The following TPD52L1 variants were observed in gnomAD, a reference collection of about 807,000 sequenced individuals.
TPD52L1 encodes the protein TPD52 like 1.
Under a neutral mutation model 28.7 loss-of-function variants are expected in TPD52L1, and 18 were observed. The ratio of observed to expected loss-of-function variants is 0.63; its 90% CI spans 0.43 to 0.93. The LOEUF is 0.93. Among genes scored for constraint, TPD52L1 ranks in the 40% least tolerant of loss-of-function variants. The pLI is 0.00. For missense variants in TPD52L1, 203 were observed against 254.8 expected, an observed-to-expected ratio of 0.80 and a Z score of 1.39; for synonymous variants, 75 against 88.8, an observed-to-expected ratio of 0.84 and a Z score of 0.88.
chr6:125,168,867 A>AGTAG (rs1791090681), intron 1 of TPD52L1, among the ~76,000 whole-genome samples: 1 of 152,186 alleles, frequency 6.6e-6, no homozygotes, highest in Admixed American at 6.5e-5. Flanking sequence ...TGGTTTATGT[A>AGTAG]GTAGGACCTG....
chr6:125,190,276 A>T (rs1792945815), intron 1 of TPD52L1, among the ~76,000 whole-genome samples: 2 of 152,242 alleles, frequency 1.3e-5, no homozygotes, highest in East Asian at 3.9e-4. Flanking sequence ...AATGAAGCCG[A>T]CCGTTGTCCC....
chr6:125,193,410 A>G (rs1336828598), intron 1 of TPD52L1, among the ~76,000 whole-genome samples: 1 of 151,968 alleles, frequency 6.6e-6, no homozygotes, highest in African/African-American at 2.4e-5. Flanking sequence ...ACTGTTCCTC[A>G]TGGGTGTGCC....
At chr6:125,154,789 G>T (rs533770930) in intron 1 of TPD52L1, among the ~76,000 whole-genome samples, 1 of 152,352 alleles carries the variant, frequency 6.6e-6, no homozygotes, top group Admixed American at 6.5e-5. Flanking sequence ...AAGTGGGAAG[G>T]AAACGGACTC....
At chr6:125,201,342 A>T (rs994036677) in intron 1 of TPD52L1, among the ~76,000 whole-genome samples, 1 of 152,216 alleles carries the variant, frequency 6.6e-6, no homozygotes, top group Non-Finnish European at 1.5e-5. Flanking sequence ...CAACTTTTGC[A>T]TTATATTTAT....
intron 6 of TPD52L1, among the ~76,000 whole-genome samples, chr6:125,257,999 A>T (rs1048473294): frequency 6.6e-6 from 1 of 152,240 alleles, no homozygotes; most frequent in African/African-American, 2.4e-5. Context: ...AACCAGATCA[A>T]AAACCTTCAT....
At chr6:125,172,108 CTTTCTTTCTTTCTTTCTTTCTTTCTTT>C (rs1562210013) in intron 1 of TPD52L1, among the ~76,000 whole-genome samples, 1,162 of 69,620 alleles carry the variant, frequency 0.017, 16 homozygotes, top group Non-Finnish European at 0.022. Context: ...CCCTTTCTTT[CTTTCTTTCTTTCTTTCTTTCTTTCTTT>C]CTTTCTTTCT....
At chr6:125,248,720 G>T (rs1179590223) in intron 4 of TPD52L1, among the ~76,000 whole-genome samples, 1 of 151,914 alleles carries the variant, frequency 6.6e-6, no homozygotes. Context: ...ATTAAAACAT[G>T]CATTTAGTGG....
At chr6:125,253,574 AT>A in intron 4 of TPD52L1, 142 bp from the exon 5 acceptor site, 1 of 744,968 alleles carries the variant, frequency 1.3e-6, no homozygotes, top group South Asian at 1.8e-5. Flanking sequence ...ACAAAAACAA[AT>A]GTCATCTTGG....
intron 4 of TPD52L1, among the ~76,000 whole-genome samples, chr6:125,251,405 A>G (rs1190525194): frequency 6.6e-6 from 1 of 151,780 alleles, no homozygotes; most frequent in Non-Finnish European, 1.5e-5. Context: ...AATAACTCCA[A>G]ATTAATATTT....
chr6:125,216,332 C>T (rs1240480843), intron 1 of TPD52L1, among the ~76,000 whole-genome samples: 1 of 151,816 alleles, frequency 6.6e-6, no homozygotes. Context: ...CGTGAAGCAC[C>T]TAATGACTTA....
intron 6 of TPD52L1, chr6:125,260,329 T>C (rs1191357125): frequency 6.6e-6 from 1 of 152,180 alleles, no homozygotes; most frequent in Non-Finnish European, 1.5e-5. Context: ...GGAAGGAAGA[T>C]CAATGCTCTG....
chr6:125,229,106 T>C lies in TPD52L1; in HGVS notation c.136-12T>C. On this transcript the variant is annotated splice_polypyrimidine_tract_variant and intron_variant, in intron 2 of 6. Coordinates refer to ENST00000534000, the MANE Select transcript of TPD52L1 (RefSeq NM_003287.4). ...TGACATTTTCCCCCACCATTTCCCCTCCGCCTTGTAGCTAGAAGACGAAAT... is the reference window on the plus strand; with the variant it reads ...TGACATTTTCCCCCACCATTTCCCCCCCGCCTTGTAGCTAGAAGACGAAAT... The C allele has an allele frequency of 6.2e-7, 1 of 1,609,792 alleles. No individual in the cohort carries two copies. Among genetic ancestry groups the C allele is most frequent in the East Asian group, 2.2e-5 (1 of 44,704 alleles).
At chr6:125,235,838 C>T (rs1255326444) in intron 3 of TPD52L1, among the ~76,000 whole-genome samples, 2 of 152,058 alleles carry the variant, frequency 1.3e-5, no homozygotes, top group African/African-American at 2.4e-5. Flanking sequence ...TCTAGGAATT[C>T]GAGGCCAGCT....
chr6:125,199,280 G>A (rs1793641759), intron 1 of TPD52L1, among the ~76,000 whole-genome samples: 2 of 152,142 alleles, frequency 1.3e-5, no homozygotes, highest in Non-Finnish European at 2.9e-5. Flanking sequence ...AAAATGTTTT[G>A]CTAGACTTGT....
At chr6:125,260,990 GAAAGAAAGAAAGAAAGAAAGAAAGA>G (rs1797971539) in intron 6 of TPD52L1, 1 of 43,822 alleles carries the variant, frequency 2.3e-5, no homozygotes, top group Admixed American at 2.8e-4. Flanking sequence ...AGAAAAGAAA[GAAAGAAAGAAAGAAAGAAAGAAAGA>G]AAGAAAAGAA....
At chr6:125,155,192 G>C (rs1434215269) in intron 1 of TPD52L1, among the ~76,000 whole-genome samples, 1 of 152,230 alleles carries the variant, frequency 6.6e-6, no homozygotes, top group African/African-American at 2.4e-5. Flanking sequence ...GAGGGCAGTT[G>C]GTCAAATTCA....
chr6:125,213,578 G>A (rs943277369), intron 1 of TPD52L1, among the ~76,000 whole-genome samples: 1 of 152,084 alleles, frequency 6.6e-6, no homozygotes, highest in African/African-American at 2.4e-5. Flanking sequence ...GGTAACCCCA[G>A]CCCCTGATGC....
intron 3 of TPD52L1, among the ~76,000 whole-genome samples, chr6:125,233,159 G>C (rs1461198082): frequency 6.6e-6 from 1 of 152,074 alleles, no homozygotes; most frequent in Non-Finnish European, 1.5e-5. Context: ...CAATCTAAAT[G>C]GTAAGTCGAC....
At chr6:125,203,711 G>T (rs1449939436) in intron 1 of TPD52L1, 4 of 985,288 alleles carry the variant, frequency 4.1e-6, no homozygotes, top group East Asian at 2.3e-4. Context: ...CTCACTCTTT[G>T]GTTGAGAATC....
Sources: gnomAD v4.1 joint callset for allele counts (sites outside exome capture counted in the v4.1 genomes callset) on GRCh38, gnomAD v4.1.1 for gene constraint, MANE v1.5 for transcripts, NCBI Gene and HGNC (gene_info 2026-07-23, HGNC 2026-07-21) for gene names.